Variants in INO80 observed in about 807,000 individuals in gnomAD.
INO80 encodes the protein INO80 complex ATPase subunit, also known as chromatin-remodeling ATPase INO80.
In INO80, 20 loss-of-function variants were observed where a neutral mutation model predicts 203.4. The observed-to-expected ratio is 0.10, with a 90% confidence interval of 0.07 to 0.14. The LOEUF is 0.14. Among genes scored for constraint, INO80 ranks in the 10% least tolerant of loss-of-function variants. The pLI is 1.00. For missense variants in INO80, 1,419 were observed against 1,914.4 expected (o/e 0.74, Z 4.83); for synonymous variants, 726 against 685.2 (o/e 1.06, Z -0.93).
At chr15:41,111,819 G>A (rs1028878664) in intron 1 of INO80, among the ~76,000 whole-genome samples, 2 of 151,054 alleles carry the variant, frequency 1.3e-5, no homozygotes, top group African/African-American at 2.4e-5. Context: ...AAAAAAAAAC[G>A]TTTTTGCGGG....
chr15:41,013,322 T>G (rs1053862355), intron 27 of INO80: 1 of 152,208 alleles, frequency 6.6e-6, no homozygotes, highest in Non-Finnish European at 1.5e-5. Context: ...AAGTTTGTGT[T>G]TTTTCTTAAG....
chr15:41,046,151 GTGTGTGTGTCTGT>G, intron 23 of INO80, among the ~76,000 whole-genome samples: 1 of 122,884 alleles, frequency 8.1e-6, no homozygotes, highest in Non-Finnish European at 1.8e-5. Flanking sequence ...TTTAAGGGGT[GTGTGTGTGTCTGT>G]GTGTGTGTGT....
chr15:41,059,179 C>G (rs1446831541), intron 15 of INO80, among the ~76,000 whole-genome samples: 1 of 151,244 alleles, frequency 6.6e-6, no homozygotes, highest in Non-Finnish European at 1.5e-5. Flanking sequence ...CCAGGCTGGT[C>G]TCGAACTCCT....
At chr15:41,052,674 C>CAAA (rs60685375) in intron 19 of INO80, among the ~76,000 whole-genome samples, 7 of 107,218 alleles carry the variant, frequency 6.5e-5, no homozygotes, top group South Asian at 2.8e-4. Flanking sequence ...CCTTGTCTTA[C>CAAA]AAAAAAAAAA....
intron 24 of INO80, among the ~76,000 whole-genome samples, chr15:41,043,059 C>T (rs568161606): frequency 6.6e-6 from 1 of 152,304 alleles, no homozygotes; most frequent in South Asian, 2.1e-4. Context: ...ATACTACCCA[C>T]ATCTGCATTT....
intron 1 of INO80, among the ~76,000 whole-genome samples, chr15:41,107,969 G>A (rs987917158): frequency 9.9e-5 from 15 of 152,078 alleles, no homozygotes; most frequent in Admixed American, 8.5e-4. Context: ...GCATGGTGGT[G>A]CATGCCTGTA....
chr15:41,095,322 C>A (rs1024716528), intron 4 of INO80, among the ~76,000 whole-genome samples: 2 of 152,182 alleles, frequency 1.3e-5, no homozygotes, highest in African/African-American at 4.8e-5. Context: ...GCTTGGGCAA[C>A]AAGAGCAAAA....
chr15:40,980,364 G>T lies in INO80; in HGVS notation c.4530C>A (p.Ala1510=), dbSNP rs758071590. The T allele has an allele frequency of 6.2e-7, 1 of 1,614,046 alleles. No homozygotes were observed. The highest frequency in any genetic ancestry group is 1.1e-5 in the South Asian group (1 of 91,072). The part of the protein sequence containing the change: ...AGLADFGPSS[A]SSPLSSPLSK... ...TCAAAGGGGAACTCAAAGGAGAAGA[G>T]GCGCTTGAAGGTCCAAAGTCAGCAA... Residue 1510 remains alanine, a synonymous_variant, in exon 36 of 36, where the codon GCC becomes GCA. Coordinates refer to ENST00000648947, the MANE Select transcript of INO80 (RefSeq NM_017553.3).
chr15:41,054,253 T>C (rs1227609507), intron 18 of INO80, among the ~76,000 whole-genome samples: 1 of 152,246 alleles, frequency 6.6e-6, no homozygotes, highest in Non-Finnish European at 1.5e-5. Context: ...AATTCATTTT[T>C]AGGTTTTAGG....
intron 1 of INO80, among the ~76,000 whole-genome samples, chr15:41,110,546 C>T (rs2045945093): frequency 6.6e-6 from 1 of 152,112 alleles, no homozygotes; most frequent in Admixed American, 6.6e-5. Flanking sequence ...TCAGGTGATC[C>T]TCCCATTTCG....
At chr15:41,108,248 T>A (rs1463234403) in intron 1 of INO80, among the ~76,000 whole-genome samples, 1 of 152,000 alleles carries the variant, frequency 6.6e-6, no homozygotes, top group East Asian at 1.9e-4. Context: ...GGAAACAGCA[T>A]GGTAAGAAAG....
intron 26 of INO80, 25 bp from the exon 27 acceptor site, chr15:41,016,240 G>A: frequency 1.9e-6 from 3 of 1,610,026 alleles, no homozygotes; most frequent in East Asian, 2.2e-5. Flanking sequence ...AGGGGGTGAG[G>A]GGGAACTGTA....
chr15:41,092,590 T>C (rs1596322781), intron 4 of INO80, among the ~76,000 whole-genome samples: 3 of 152,224 alleles, frequency 2.0e-5, no homozygotes, highest in East Asian at 3.9e-4. Context: ...CAAATATCCA[T>C]TTATTGATAA....
chr15:41,096,081 C>T (rs2045719022), intron 2 of INO80, 87 bp downstream of exon 2: 3 of 1,446,412 alleles, frequency 2.1e-6, no homozygotes, highest in Non-Finnish European at 2.8e-6. Context: ...ACATAAAAAT[C>T]ATAAGATACT....
At chr15:41,060,511 G>A (rs765510149) in intron 14 of INO80, among the ~76,000 whole-genome samples, 5 of 151,504 alleles carry the variant, frequency 3.3e-5, no homozygotes, top group Admixed American at 6.6e-5. Context: ...CAGAGATGGC[G>A]CCACTGCACT....
intron 24 of INO80, among the ~76,000 whole-genome samples, chr15:41,032,894 CA>C (rs2044512171): frequency 6.6e-6 from 1 of 151,984 alleles, no homozygotes; most frequent in Non-Finnish European, 1.5e-5. Flanking sequence ...AAAAATTAGC[CA>C]GGGGTGGTGG....
intron 31 of INO80, among the ~76,000 whole-genome samples, chr15:40,985,844 G>C (rs1042671922): frequency 1.3e-5 from 2 of 152,118 alleles, no homozygotes; most frequent in African/African-American, 4.8e-5. Context: ...GGAAGTGGAG[G>C]TTGTGGTGAG....
intron 26 of INO80, among the ~76,000 whole-genome samples, chr15:41,020,296 T>C (rs2044271388): frequency 6.6e-6 from 1 of 152,162 alleles, no homozygotes; most frequent in South Asian, 2.1e-4. Flanking sequence ...CAAGCTACCA[T>C]TCCAGTTTGC....
chr15:41,052,372 T>C (rs2044890195), intron 19 of INO80, among the ~76,000 whole-genome samples: 1 of 152,062 alleles, frequency 6.6e-6, no homozygotes, highest in Non-Finnish European at 1.5e-5. Flanking sequence ...AGGATATATA[T>C]ACAATCCCTG....
Sources: gnomAD v4.1 joint callset for allele counts (sites outside exome capture counted in the v4.1 genomes callset) on GRCh38, gnomAD v4.1.1 for gene constraint, MANE v1.5 for transcripts, NCBI Gene and HGNC (gene_info 2026-07-23, HGNC 2026-07-21) for gene names.